The following MICU3 variants were observed in gnomAD, a reference collection of about 807,000 sequenced individuals.
MICU3 encodes mitochondrial calcium uptake 3.
Under a neutral mutation model 66.5 loss-of-function variants are expected in MICU3, and 62 were observed. That is an observed-to-expected ratio of 0.93 (90% CI 0.76 to 1.15). The LOEUF is 1.15. MICU3 is among the 50% of genes most tolerant of loss of function. The probability of loss-of-function intolerance (pLI) is 0.00; values close to 1 mark genes in which losing one functional copy is unlikely to be tolerated. For missense variants in MICU3, 779 were observed against 664.4 expected, an observed-to-expected ratio of 1.17 and a Z score of -1.90; for synonymous variants, 308 against 240.7, an observed-to-expected ratio of 1.28 and a Z score of -2.59.
Position 17,116,475 on chromosome 8 carries a change from G to A in MICU3, c.1399G>A (p.Gly467Arg). Residue 467 changes from glycine (G) to arginine (R), a missense_variant, in exon 13 of 15, where the codon GGA (glycine) becomes AGA (arginine). By Grantham distance (125) the Gly-to-Arg change is moderately radical. Coordinates refer to ENST00000318063, the MANE Select transcript of MICU3 (RefSeq NM_181723.3). Reference sequence around the variant, plus strand: ...TAAACGTGCCGTCTATGTAGCTACTGGACTCAAATTTTCACCACATTTAGT... The same window carrying A: ...TAAACGTGCCGTCTATGTAGCTACTAGACTCAAATTTTCACCACATTTAGT... ...EFKRAVYVAT[G>R]LKFSPHLVNT... 2 of 1,536,416 alleles carry A rather than the reference G, an allele frequency of 1.3e-6. No homozygotes were observed. The highest frequency in any genetic ancestry group is 1.3e-5 in the South Asian group (1 of 76,786).
intron 4 of MICU3, among the ~76,000 whole-genome samples, chr8:17,079,144 ATG>A (rs1281332092): frequency 1.2e-5 from 1 of 86,192 alleles, no homozygotes; most frequent in Non-Finnish European, 2.3e-5. Context: ...TGTTATACAC[ATG>A]TTTGCATTTT....
chr8:17,078,550 T>A (rs888648474), intron 4 of MICU3, among the ~76,000 whole-genome samples: 4 of 152,094 alleles, frequency 2.6e-5, no homozygotes, highest in Non-Finnish European at 4.4e-5. Context: ...TGGAAATGTA[T>A]TTTTTGTATC....
At position 17,090,567 on chromosome 8, in the gene MICU3, C is replaced by G. The variant is rs1486064067; in HGVS notation, c.871C>G (p.His291Asp). 4 of 1,610,492 alleles carry G rather than the reference C, an allele frequency of 2.5e-6. No individual in the cohort carries two copies. Among genetic ancestry groups the G allele is most frequent in the Non-Finnish European group, 3.4e-6 (4 of 1,177,862 alleles). ...AMLRLQLYGY[H>D]SPTNSVLKTD... Reference sequence around the variant, plus strand: ...TCAGCGTCTTCAACTTTATGGATACCATTCTCCTACTAATAGTGTATGTAC... The same window carrying G: ...TCAGCGTCTTCAACTTTATGGATACGATTCTCCTACTAATAGTGTATGTAC... Residue 291 changes from histidine (H) to aspartate (D), a missense_variant, in exon 8 of 15, where the codon CAT becomes GAT. Transcript: ENST00000318063.
At chr8:17,091,759 A>G (rs1281744840) in intron 8 of MICU3, among the ~76,000 whole-genome samples, 1 of 152,086 alleles carries the variant, frequency 6.6e-6, no homozygotes, top group African/African-American at 2.4e-5. Context: ...TTTCCTTTAC[A>G]TTTTTAAAGG....
At chr8:17,090,508 A>G in intron 7 of MICU3, 38 bp from the exon 8 acceptor site, 1 of 1,590,444 alleles carries the variant, frequency 6.3e-7, no homozygotes, top group South Asian at 1.1e-5. Context: ...TCATTCTGAA[A>G]TATGACACTT....
intron 5 of MICU3, among the ~76,000 whole-genome samples, chr8:17,082,545 C>T (rs921876932): frequency 6.6e-6 from 1 of 152,106 alleles, no homozygotes; most frequent in African/African-American, 2.4e-5. Flanking sequence ...AATGCAAGGT[C>T]CATTATGGCA....
intron 1 of MICU3, among the ~76,000 whole-genome samples, chr8:17,036,620 G>C (rs1813040784): frequency 6.6e-6 from 1 of 152,210 alleles, no homozygotes. Context: ...AGAGCAGCTA[G>C]ATACAGATTG....
At chr8:17,092,305 A>C (rs1800154266) in intron 8 of MICU3, among the ~76,000 whole-genome samples, 1 of 152,070 alleles carries the variant, frequency 6.6e-6, no homozygotes, top group Non-Finnish European at 1.5e-5. Flanking sequence ...TTTTTTAGAA[A>C]AATACGTCTC....
chr8:17,101,533 G>C (rs565043155), intron 9 of MICU3, among the ~76,000 whole-genome samples: 2 of 151,896 alleles, frequency 1.3e-5, no homozygotes, highest in Non-Finnish European at 2.9e-5. Flanking sequence ...GATGCTGAAA[G>C]ACTGTTAAGT....
chr8:17,053,070 G>A lies in MICU3; in HGVS notation c.382-11014G>A, dbSNP rs534341177. On this transcript the variant is annotated intron_variant, in intron 1 of 14. Coordinates refer to ENST00000318063, the MANE Select transcript of MICU3 (RefSeq NM_181723.3). ...CTTTAAAATTTTGAATAAAACAAAT[G>A]TGTCTTAAAGAAACTAATAAGGATG... Among the ~76,000 whole-genome samples, 45 of 152,148 alleles carry A rather than the reference G, an allele frequency of 3.0e-4. 2 individuals are homozygous for A. Among genetic ancestry groups the A allele is most frequent in the African/African-American group, 1.0e-3 (43 of 41,534 alleles).
At chr8:17,082,459 T>C (rs190242813) in intron 5 of MICU3, among the ~76,000 whole-genome samples, 87 of 152,310 alleles carry the variant, frequency 5.7e-4, no homozygotes, top group African/African-American at 2.0e-3. Context: ...TGTATCTCTT[T>C]ACTGCGTTGC....
At chr8:17,092,426 C>T (rs918515265) in intron 8 of MICU3, among the ~76,000 whole-genome samples, 3 of 151,682 alleles carry the variant, frequency 2.0e-5, no homozygotes, top group Non-Finnish European at 2.9e-5. Flanking sequence ...AGACTTAAAT[C>T]GCAAATTTTA....
chr8:17,036,755 C>A (rs1025454074), intron 1 of MICU3, among the ~76,000 whole-genome samples: 1 of 152,214 alleles, frequency 6.6e-6, no homozygotes, highest in African/African-American at 2.4e-5. Flanking sequence ...CTGGCCTCAC[C>A]CAGTGGATCC....
At chr8:17,084,236 A>C (rs1821618212) in intron 5 of MICU3, among the ~76,000 whole-genome samples, 1 of 152,054 alleles carries the variant, frequency 6.6e-6, no homozygotes, top group Admixed American at 6.6e-5. Flanking sequence ...TCTTTTCTGT[A>C]TGTATTTTCA....
At position 17,121,680 on chromosome 8, in the gene MICU3, C is replaced by T. The variant is rs1231458626; in HGVS notation, c.*1393C>T. 1.3e-5 allele frequency: 2 copies of T among 152,162 alleles called. No homozygotes were observed. The highest frequency in any genetic ancestry group is 4.8e-5 in the African/African-American group (2 of 41,406). The allele number at this position is 152,162 out of a possible 1,614,324, so 9.4% of individuals were successfully genotyped here. A position where few individuals can be genotyped will look rare whatever the true frequency, so the allele number is the denominator to read the frequency against. ...AGTTATTAAATGTGAAATTGATCTGCATCAGCTTATTTATAAAAGTAATGT... is the reference window on the plus strand; with the variant it reads ...AGTTATTAAATGTGAAATTGATCTGTATCAGCTTATTTATAAAAGTAATGT... On this transcript the variant is annotated 3_prime_UTR_variant, in exon 15 of 15. Coordinates refer to ENST00000318063, the MANE Select transcript of MICU3 (RefSeq NM_181723.3).
chr8:17,027,249 C>A lies in MICU3; in HGVS notation c.-31C>A. ...GCCCCCGCCCCTCCGTTCTCTGCCC[C>A]CTCCCAGCTCTGGTGTGGGCGGCCT... On this transcript the variant is annotated 5_prime_UTR_variant, in exon 1 of 15. Transcript: ENST00000318063. The A allele has an allele frequency of 3.9e-6, 4 of 1,034,116 alleles. No individual in the cohort carries two copies. The highest frequency in any genetic ancestry group is 5.0e-6 in the Non-Finnish European group (4 of 794,786). The allele number at this position is 1,034,116 out of a possible 1,614,324, so 64.1% of individuals were successfully genotyped here.
intron 11 of MICU3, among the ~76,000 whole-genome samples, chr8:17,112,871 G>A (rs1036337778): frequency 6.6e-6 from 1 of 152,154 alleles, no homozygotes; most frequent in Non-Finnish European, 1.5e-5. Flanking sequence ...TTGGCAACAA[G>A]CTCTCCACAT....
intron 11 of MICU3, among the ~76,000 whole-genome samples, chr8:17,113,568 A>G (rs368032850): frequency 3.2e-4 from 49 of 152,318 alleles, no homozygotes; most frequent in African/African-American, 1.1e-3. Context: ...TGGCAGTGCT[A>G]TAGTGACAGG....
chr8:17,130,291 G>T, the MICU3 span, among the ~76,000 whole-genome samples: 1 of 152,146 alleles, frequency 6.6e-6, no homozygotes, highest in African/African-American at 2.4e-5. Context: ...TTGGGGGACT[G>T]AGGCGGTGGG....
Sources: allele counts gnomAD v4.1 joint callset (sites outside exome capture counted in the v4.1 genomes callset), GRCh38; gene constraint gnomAD v4.1.1; transcripts MANE v1.5; gene names NCBI Gene and HGNC (gene_info 2026-07-23, HGNC 2026-07-21).